Variants in GATAD2A observed in about 807,000 individuals in gnomAD.
The protein encoded by GATAD2A is transcriptional repressor p66-alpha.
GATAD2A carries 12 observed loss-of-function variants against 68.5 expected under a neutral mutation model. The ratio of observed to expected loss-of-function variants is 0.18; its 90% CI spans 0.11 to 0.28. The LOEUF (loss-of-function observed/expected upper bound fraction) is 0.28, where lower values mean the gene tolerates loss of function less well. GATAD2A is among the 10% of genes least tolerant of loss of function. GATAD2A has a pLI of 1.00. For synonymous variants in GATAD2A, 410 were observed against 375.3 expected (o/e 1.09, Z -1.07); for missense variants, 755 against 868.5 (o/e 0.87, Z 1.64).
rs188366615 is a variant in GATAD2A, at chr19:19,494,910, G to T, written c.624+527G>T. Among the ~76,000 whole-genome samples, 3 of 152,198 alleles carry T rather than the reference G, an allele frequency of 2.0e-5. No homozygotes were observed. In the East Asian group the frequency reaches 5.8e-4, roughly 29 times the overall value. On this transcript the variant is annotated intron_variant, in intron 5 of 11. Coordinates refer to ENST00000683918, the MANE Select transcript of GATAD2A (RefSeq NM_001384528.1). ...GGGACTCACTCAGGAGTGAGCCCAG[G>T]TTTGCACGGCTCTGGGTGGAGTCAC...
chr19:19,426,740 C>T (rs1184123575), intron 1 of GATAD2A, among the ~76,000 whole-genome samples: 2 of 152,142 alleles, frequency 1.3e-5, no homozygotes, highest in African/African-American at 2.4e-5. Context: ...TCTCGAACTT[C>T]TGGCCGCAAG....
intron 2 of GATAD2A, among the ~76,000 whole-genome samples, chr19:19,490,081 G>A (rs937937161): frequency 6.6e-6 from 1 of 152,218 alleles, no homozygotes; most frequent in Admixed American, 6.5e-5. Context: ...CAAACTACCC[G>A]GTTCTGGGCT....
chr19:19,431,424 G>A (rs533066046), intron 1 of GATAD2A, among the ~76,000 whole-genome samples: 1 of 151,384 alleles, frequency 6.6e-6, no homozygotes, highest in Non-Finnish European at 1.5e-5. Context: ...GGCTGGGCGC[G>A]GTGGCTCACA....
At chr19:19,436,069 C>A in intron 1 of GATAD2A, 1 of 822,502 alleles carries the variant, frequency 1.2e-6, no homozygotes. Context: ...TTTAGAAATG[C>A]CAGTATGTTC....
intron 2 of GATAD2A, among the ~76,000 whole-genome samples, chr19:19,475,274 A>G (rs555361835): frequency 6.6e-6 from 1 of 152,240 alleles, no homozygotes; most frequent in Non-Finnish European, 1.5e-5. Flanking sequence ...CTCATAGCCC[A>G]GGGACATGGT....
rs746844547 is a variant in GATAD2A at position 19,501,312 on chromosome 19, C to T, written c.1399C>T (p.Leu467=). ...GCTGAAGGCCGCCTTTGTGAAGGCGCTGCAGCAGGAACAGGAGATTGAGCA... is the reference window on the plus strand; with the variant it reads ...GCTGAAGGCCGCCTTTGTGAAGGCGTTGCAGCAGGAACAGGAGATTGAGCA... The part of the protein sequence containing the change: ...SRLKAAFVKA[L]QQEQEIEQRL... Residue 467 remains leucine (L), a synonymous_variant, in exon 9 of 12, where the codon CTG becomes TTG. Coordinates refer to ENST00000683918, the MANE Select transcript of GATAD2A (RefSeq NM_001384528.1). 1.3e-5 allele frequency: 21 copies of T among 1,612,984 alleles called. No homozygotes were observed. The highest frequency in any genetic ancestry group is 1.5e-5 in the Non-Finnish European group (18 of 1,179,946).
intron 1 of GATAD2A, among the ~76,000 whole-genome samples, chr19:19,407,292 C>G (rs1568703048): frequency 6.6e-6 from 1 of 152,360 alleles, no homozygotes; most frequent in East Asian, 1.9e-4. Flanking sequence ...ATATGCTAAG[C>G]AGTAGTTTGT....
At chr19:19,424,663 A>G in intron 1 of GATAD2A, among the ~76,000 whole-genome samples, 1 of 152,084 alleles carries the variant, frequency 6.6e-6, no homozygotes, top group South Asian at 2.1e-4. Flanking sequence ...ATGAGCCATC[A>G]TGCCTGGCCT....
intron 2 of GATAD2A, among the ~76,000 whole-genome samples, chr19:19,470,531 G>GT (rs2058223297): frequency 6.6e-6 from 1 of 152,186 alleles, no homozygotes; most frequent in Non-Finnish European, 1.5e-5. Flanking sequence ...AAATTAATCA[G>GT]TTATAGTTAG....
At chr19:19,487,688 G>GCAGGCTTCCTGAGGC (rs2059534639) in intron 2 of GATAD2A, among the ~76,000 whole-genome samples, 2 of 152,302 alleles carry the variant, frequency 1.3e-5, no homozygotes, top group Middle Eastern at 3.4e-3. Context: ...GTTGAAGAGG[G>GCAGGCTTCCTGAGGC]ATGTTCTGCA....
chr19:19,396,319 A>G (rs1010985592), intron 1 of GATAD2A, among the ~76,000 whole-genome samples: 2 of 152,172 alleles, frequency 1.3e-5, no homozygotes, highest in African/African-American at 4.8e-5. Context: ...CGTCTGAAAA[A>G]AAAATCATAT....
At chr19:19,426,263 T>A (rs2053083703) in intron 1 of GATAD2A, among the ~76,000 whole-genome samples, 1 of 152,160 alleles carries the variant, frequency 6.6e-6, no homozygotes, top group African/African-American at 2.4e-5. Flanking sequence ...GGAAGTGTAT[T>A]TGGGATGTCT....
chr19:19,498,559 C>G lies in GATAD2A; in HGVS notation c.1041C>G (p.Ala347=), dbSNP rs751195395. The change falls in exon 8 of 12, where the codon GCC becomes GCG. Residue 347 remains alanine, a synonymous_variant. Coordinates refer to ENST00000683918, the MANE Select transcript of GATAD2A (RefSeq NM_001384528.1). ...AGTCTCCAGCAAGCCGACAGGCGGC[C>G]GCCAAGCTGGCGCTGCGCAAACAGC... is the stretch of plus-strand genomic sequence containing the variant. ...SAESPASRQA[A]AKLALRKQLE... 3.1e-6 allele frequency: 5 copies of G among 1,613,950 alleles called. No homozygotes were observed. In the East Asian group the frequency reaches 1.1e-4, roughly 36 times the overall value.
intron 2 of GATAD2A, among the ~76,000 whole-genome samples, chr19:19,475,152 TGCTCCCGGCCCGCCG>T (rs2058586887): frequency 6.6e-6 from 1 of 152,252 alleles, no homozygotes; most frequent in Admixed American, 6.5e-5. Context: ...TCCCCGCAGC[TGCTCCCGGCCCGCCG>T]GCCGGCTGTC....
intron 1 of GATAD2A, among the ~76,000 whole-genome samples, chr19:19,437,322 A>T (rs142832908): frequency 2.6e-5 from 4 of 152,088 alleles, no homozygotes; most frequent in Non-Finnish European, 5.9e-5. Context: ...GTAGAGACGG[A>T]GTTTGCTGTG....
chr19:19,413,581 T>C (rs2051222469), intron 1 of GATAD2A, among the ~76,000 whole-genome samples: 4 of 151,942 alleles, frequency 2.6e-5, no homozygotes, highest in Admixed American at 1.3e-4. Context: ...GTGTTTGGTG[T>C]TTTTGTTTTT....
chr19:19,420,712 A>G (rs1414020658), intron 1 of GATAD2A, among the ~76,000 whole-genome samples: 1 of 151,850 alleles, frequency 6.6e-6, no homozygotes, highest in Non-Finnish European at 1.5e-5. Context: ...CCTTGCATGA[A>G]GTGCTGATAA....
intron 1 of GATAD2A, among the ~76,000 whole-genome samples, chr19:19,459,096 GTGCCT>G (rs2057195808): frequency 1.3e-5 from 2 of 152,290 alleles, no homozygotes. Flanking sequence ...ATGTGCCACT[GTGCCT>G]GGCTTCACAC....
At chr19:19,392,079 C>CTTTTTT (rs753791949) in intron 1 of GATAD2A, among the ~76,000 whole-genome samples, 11 of 107,056 alleles carry the variant, frequency 1.0e-4, no homozygotes, top group Non-Finnish European at 1.5e-4. Context: ...AGAGTTTTTC[C>CTTTTTT]TTTTTTTTTT....
Sources: gnomAD v4.1 joint callset for allele counts (sites outside exome capture counted in the v4.1 genomes callset) on GRCh38, gnomAD v4.1.1 for gene constraint, MANE v1.5 for transcripts, NCBI Gene and HGNC (gene_info 2026-07-23, HGNC 2026-07-21) for gene names.